The following TBC1D22A variants were observed in gnomAD, a reference collection of about 807,000 sequenced individuals.
The protein encoded by TBC1D22A is putative GTPase activator.
TBC1D22A carries 38 observed loss-of-function variants against 60.2 expected under a neutral mutation model. That is an observed-to-expected ratio of 0.63 (90% confidence interval 0.49 to 0.83). TBC1D22A has a LOEUF of 0.83. TBC1D22A is among the 40% of genes least tolerant of loss of function. TBC1D22A has a pLI of 0.00. For missense variants in TBC1D22A, 628 were observed against 701.0 expected (o/e 0.90, Z 1.18); for synonymous variants, 302 against 281.7 (o/e 1.07, Z -0.72).
At chr22:47,039,934 C>CG (rs2062782641) in intron 11 of TBC1D22A, among the ~76,000 whole-genome samples, 2 of 86,866 alleles carry the variant, frequency 2.3e-5, no homozygotes, top group Non-Finnish European at 4.3e-5. Context: ...GGTGCCACAG[C>CG]CTTTTTTTTT....
At chr22:46,983,867 T>C (rs78481314) in intron 9 of TBC1D22A, among the ~76,000 whole-genome samples, 1,894 of 152,190 alleles carry the variant, frequency 0.012, 39 homozygotes, top group African/African-American at 0.042. Context: ...GGATGATTTT[T>C]AGTGTAGATC....
At chr22:46,789,674 A>G (rs1311868654) in intron 1 of TBC1D22A, among the ~76,000 whole-genome samples, 1 of 152,204 alleles carries the variant, frequency 6.6e-6, no homozygotes, top group African/African-American at 2.4e-5. Context: ...ACTGAGTGGG[A>G]AACTGAAAAA....
chr22:46,769,355 C>T (rs2083408405), intron 1 of TBC1D22A, among the ~76,000 whole-genome samples: 4 of 152,236 alleles, frequency 2.6e-5, no homozygotes, highest in South Asian at 4.1e-4. Flanking sequence ...AAAACGTTTA[C>T]GAGCTCCTCT....
intron 1 of TBC1D22A, among the ~76,000 whole-genome samples, chr22:46,787,339 C>T (rs990525967): frequency 2.0e-5 from 3 of 152,128 alleles, no homozygotes; most frequent in East Asian, 1.9e-4. Context: ...TCTGTGTCTC[C>T]GTGGAGTCCT....
intron 11 of TBC1D22A, among the ~76,000 whole-genome samples, chr22:47,080,884 A>AGGCCG (rs2064436162): frequency 6.6e-6 from 1 of 152,160 alleles, no homozygotes. Context: ...GCACTTTGGG[A>AGGCCG]GGCCGAGGTG....
At chr22:46,785,536 A>G (rs537496118) in intron 1 of TBC1D22A, among the ~76,000 whole-genome samples, 35 of 152,206 alleles carry the variant, frequency 2.3e-4, no homozygotes, top group Non-Finnish European at 4.9e-4. Flanking sequence ...AACTATCACC[A>G]CAATCAATTT....
At chr22:46,969,902 A>G (rs756587954) in intron 8 of TBC1D22A, among the ~76,000 whole-genome samples, 69 of 152,176 alleles carry the variant, frequency 4.5e-4, no homozygotes, top group Non-Finnish European at 7.1e-4. Flanking sequence ...AAAAGATACA[A>G]TCATATTTCA....
chr22:46,766,730 G>C (rs886934744), intron 1 of TBC1D22A, among the ~76,000 whole-genome samples: 24 of 151,966 alleles, frequency 1.6e-4, no homozygotes, highest in Non-Finnish European at 2.9e-4. Context: ...TAGAGATGTG[G>C]TTTCAACATG....
intron 8 of TBC1D22A, among the ~76,000 whole-genome samples, chr22:46,925,584 AT>A (rs2071003107): frequency 6.6e-6 from 1 of 152,170 alleles, no homozygotes; most frequent in African/African-American, 2.4e-5. Flanking sequence ...TGTTTGGCTA[AT>A]TTTTTTCTGG....
chr22:46,987,683 C>CT (rs2074779853), intron 9 of TBC1D22A, among the ~76,000 whole-genome samples: 1 of 152,166 alleles, frequency 6.6e-6, no homozygotes, highest in Admixed American at 6.5e-5. Context: ...TCATCTGAGC[C>CT]TTCAGCAAGT....
At chr22:46,964,803 C>T (rs369690823) in intron 8 of TBC1D22A, among the ~76,000 whole-genome samples, 2 of 152,274 alleles carry the variant, frequency 1.3e-5, no homozygotes, top group East Asian at 1.9e-4. Flanking sequence ...GCTGAGGGGT[C>T]GAGTTGCCAA....
At chr22:46,874,156 T>C (rs966749084) in intron 4 of TBC1D22A, among the ~76,000 whole-genome samples, 4 of 152,214 alleles carry the variant, frequency 2.6e-5, no homozygotes, top group Non-Finnish European at 1.5e-5. Context: ...GGTGTATATG[T>C]ATCACATTTT....
chr22:46,911,160 G>A (rs2069889994), intron 7 of TBC1D22A, among the ~76,000 whole-genome samples: 1 of 152,066 alleles, frequency 6.6e-6, no homozygotes, highest in Non-Finnish European at 1.5e-5. Flanking sequence ...AGTGAAGATG[G>A]GAGCGAGTAG....
chr22:46,931,903 T>C (rs918980936), intron 8 of TBC1D22A, among the ~76,000 whole-genome samples: 14 of 152,284 alleles, frequency 9.2e-5, no homozygotes, highest in African/African-American at 3.4e-4. Flanking sequence ...AAAAGCTTAA[T>C]GGCATTTAGT....
chr22:46,776,477 G>A (rs1418730920), intron 1 of TBC1D22A, among the ~76,000 whole-genome samples: 2 of 152,114 alleles, frequency 1.3e-5, no homozygotes, highest in Non-Finnish European at 2.9e-5. Flanking sequence ...TCAGTGTTCA[G>A]GATGGTGGCT....
intron 10 of TBC1D22A, among the ~76,000 whole-genome samples, chr22:47,017,789 A>G (rs767313119): frequency 4.6e-5 from 7 of 152,182 alleles, no homozygotes; most frequent in Non-Finnish European, 7.3e-5. Context: ...TTTGTATGTA[A>G]TGGTGATGAA....
At chr22:47,130,310 A>C (rs1601610169) in intron 12 of TBC1D22A, among the ~76,000 whole-genome samples, 1 of 150,702 alleles carries the variant, frequency 6.6e-6, no homozygotes. Flanking sequence ...TCCTCAGGAC[A>C]CCCCCTCCTG....
intron 12 of TBC1D22A, among the ~76,000 whole-genome samples, chr22:47,121,924 G>A (rs909274139): frequency 6.6e-6 from 1 of 151,622 alleles, no homozygotes; most frequent in Admixed American, 6.6e-5. Flanking sequence ...GTGTCCTGCC[G>A]TGCCTGCCCC....
chr22:47,121,095 C>T (rs979000730), intron 12 of TBC1D22A, among the ~76,000 whole-genome samples: 4 of 152,210 alleles, frequency 2.6e-5, no homozygotes, highest in Non-Finnish European at 5.9e-5. Context: ...TGAGGACAAT[C>T]GGAACAGTCA....
Sources: gnomAD v4.1 joint callset for allele counts (sites outside exome capture counted in the v4.1 genomes callset) on GRCh38, gnomAD v4.1.1 for gene constraint, MANE v1.5 for transcripts, NCBI Gene and HGNC (gene_info 2026-07-23, HGNC 2026-07-21) for gene names.